The following MPZL1 variants were observed in gnomAD, a reference collection of about 807,000 sequenced individuals.
MPZL1 encodes myelin protein zero-like protein 1.
In MPZL1, 16 loss-of-function variants were observed where a neutral mutation model predicts 29.3. The ratio of observed to expected loss-of-function variants is 0.55; its 90% CI spans 0.37 to 0.83. The LOEUF is 0.83. MPZL1 is among the 40% of genes least tolerant of loss of function. MPZL1 has a pLI of 0.00. For missense variants in MPZL1, 279 were observed against 332.9 expected, an observed-to-expected ratio of 0.84 and a Z score of 1.26; for synonymous variants, 143 against 132.0, an observed-to-expected ratio of 1.08 and a Z score of -0.57.
At chr1:167,744,271 G>C (rs1298029548) in intron 1 of MPZL1, among the ~76,000 whole-genome samples, 2 of 152,152 alleles carry the variant, frequency 1.3e-5, no homozygotes, top group East Asian at 3.9e-4. Flanking sequence ...AGACCACATA[G>C]TCACACCGGA....
At chr1:167,768,659 T>C (rs1661171813) in intron 2 of MPZL1, among the ~76,000 whole-genome samples, 1 of 152,232 alleles carries the variant, frequency 6.6e-6, no homozygotes, top group Admixed American at 6.5e-5. Flanking sequence ...AAGACGTTAT[T>C]CCTCAGTTTG....
rs919016728 is a variant in MPZL1, at chr1:167,781,144, T to A, written c.708+4978T>A. Reference sequence around the variant, plus strand: ...AGAATTGAAAGGAGAAATTGACATATTCACAATCATAGTTGGAGGTTTCAA... The same window carrying A: ...AGAATTGAAAGGAGAAATTGACATAATCACAATCATAGTTGGAGGTTTCAA... On this transcript the variant is annotated intron_variant, in intron 5 of 5. Transcript: ENST00000359523. Among the ~76,000 whole-genome samples the A allele has an allele frequency of 8.1e-4, 123 of 152,248 alleles. No individual in the cohort carries two copies. In the Middle Eastern group the frequency reaches 0.02, roughly 25 times the overall value.
At chr1:167,737,053 C>G (rs553012138) in intron 1 of MPZL1, among the ~76,000 whole-genome samples, 3 of 152,298 alleles carry the variant, frequency 2.0e-5, no homozygotes, top group African/African-American at 7.2e-5. Flanking sequence ...ATTTAGCTTT[C>G]TCATCTCAGA....
intron 1 of MPZL1, among the ~76,000 whole-genome samples, chr1:167,763,960 G>A (rs1338325999): frequency 6.6e-6 from 1 of 152,200 alleles, no homozygotes; most frequent in Non-Finnish European, 1.5e-5. Flanking sequence ...TGGTTGGGAG[G>A]AATGGGGGAG....
At chr1:167,722,484 G>A (rs1660054220) in intron 1 of MPZL1, among the ~76,000 whole-genome samples, 1 of 152,194 alleles carries the variant, frequency 6.6e-6, no homozygotes, top group South Asian at 2.1e-4. Flanking sequence ...GGAGGAGGAG[G>A]GGAGAGTGCT....
rs1660342986 is a variant in MPZL1, at chr1:167,734,746, G to T, written c.91+12504G>T. ...ATCAGCAGTGTCTTGCAATGCAGCT[G>T]CCTCAGGGGAGGCCATTAAAGTTTC... is the stretch of plus-strand genomic sequence containing the variant. On this transcript the variant is annotated intron_variant, in intron 1 of 5. Coordinates refer to ENST00000359523, the MANE Select transcript of MPZL1 (RefSeq NM_003953.6). 3.9e-5 allele frequency among the ~76,000 whole-genome samples: 6 copies of T among 152,308 alleles called. No individual in the cohort carries two copies. The South Asian group carries it at 1.2e-3, about 32-fold the overall frequency.
At chr1:167,766,392 G>C (rs1661115110) in intron 2 of MPZL1, among the ~76,000 whole-genome samples, 1 of 152,156 alleles carries the variant, frequency 6.6e-6, no homozygotes, top group African/African-American at 2.4e-5. Context: ...CTTGGTTCTG[G>C]TCTGTAAAAT....
intron 1 of MPZL1, among the ~76,000 whole-genome samples, chr1:167,746,748 A>T (rs1660654977): frequency 1.3e-5 from 2 of 152,172 alleles, no homozygotes; most frequent in Non-Finnish European, 2.9e-5. Flanking sequence ...GGAGTGGAAC[A>T]TGTGTTTCTA....
In MPZL1 at chr1:167,722,237, G is replaced by T; in HGVS notation, c.86G>T (p.Gly29Val). The T allele has an allele frequency of 1.6e-6, 2 of 1,239,190 alleles. No individual in the cohort carries two copies. Among genetic ancestry groups the T allele is most frequent in the Non-Finnish European group, 2.0e-6 (2 of 987,874 alleles). 76.8% of individuals were successfully genotyped at this position (1,239,190 alleles called of 1,614,324 possible). Residue 29 changes from glycine to valine, a missense_variant, in exon 1 of 6, where the codon GGG becomes GTG. Coordinates refer to ENST00000359523, the MANE Select transcript of MPZL1 (RefSeq NM_003953.6). ...WLWSVLAAAL[G>V]LLTAGVSALE... is the part of the protein sequence containing the mutation. ...TGGTCGGTGCTGGCGGCGGCGCTTG[G>T]GCTCTGTAAGTGATGCCAGGACCAG...
intron 3 of MPZL1, among the ~76,000 whole-genome samples, chr1:167,772,769 A>G (rs749530684): frequency 7.9e-5 from 12 of 152,216 alleles, no homozygotes; most frequent in Non-Finnish European, 1.6e-4. Context: ...GTTAATTAGA[A>G]GAAAGACCAA....
intron 1 of MPZL1, among the ~76,000 whole-genome samples, chr1:167,754,110 C>T (rs1047807915): frequency 2.0e-5 from 3 of 151,932 alleles, no homozygotes; most frequent in African/African-American, 4.8e-5. Context: ...CAATCCTCCC[C>T]GCTCAGCCTC....
At chr1:167,756,739 A>C (rs1276433433) in intron 1 of MPZL1, among the ~76,000 whole-genome samples, 1 of 152,086 alleles carries the variant, frequency 6.6e-6, no homozygotes, top group Non-Finnish European at 1.5e-5. Flanking sequence ...TTTTCCTGAC[A>C]TTCAAACAAA....
chr1:167,758,151 T>C (rs908985432), intron 1 of MPZL1, among the ~76,000 whole-genome samples: 1 of 148,238 alleles, frequency 6.7e-6, no homozygotes, highest in Admixed American at 6.7e-5. Context: ...AAGATTCTTG[T>C]CTCAAAAAAA....
chr1:167,766,705 C>T (rs1282911698), intron 2 of MPZL1, among the ~76,000 whole-genome samples: 1 of 152,130 alleles, frequency 6.6e-6, no homozygotes, highest in Non-Finnish European at 1.5e-5. Flanking sequence ...CATCATATGC[C>T]TATGCCATTT....
At chr1:167,722,399 T>G (rs926251408) in intron 1 of MPZL1, among the ~76,000 whole-genome samples, 157 bp downstream of exon 1, 1 of 152,136 alleles carries the variant, frequency 6.6e-6, no homozygotes, top group African/African-American at 2.4e-5. Flanking sequence ...ACCCAGCCCA[T>G]GGGGAACGCG....
chr1:167,763,377 G>C (rs536768116), intron 1 of MPZL1, among the ~76,000 whole-genome samples: 26 of 152,010 alleles, frequency 1.7e-4, no homozygotes, highest in African/African-American at 5.3e-4. Flanking sequence ...TTAGCTGGGC[G>C]TCGTGGTGGG....
chr1:167,750,169 T>TTTTTC (rs1018668128), intron 1 of MPZL1, among the ~76,000 whole-genome samples: 1 of 152,004 alleles, frequency 6.6e-6, no homozygotes, highest in African/African-American at 2.4e-5. Context: ...TTCACCCAGG[T>TTTTTC]TTTTCTTTTC....
At chr1:167,776,495 A>G (rs1021168234) in intron 5 of MPZL1, among the ~76,000 whole-genome samples, 14 of 152,214 alleles carry the variant, frequency 9.2e-5, no homozygotes, top group Non-Finnish European at 1.8e-4. Flanking sequence ...AAGGAAATGA[A>G]TCTAATGAAG....
intron 1 of MPZL1, among the ~76,000 whole-genome samples, chr1:167,726,188 C>T (rs1468543539): frequency 6.6e-6 from 1 of 152,152 alleles, no homozygotes; most frequent in Admixed American, 6.5e-5. Flanking sequence ...ATTCCCACCT[C>T]CTAGCCTTTG....
Sources: gnomAD v4.1 joint callset for allele counts (sites outside exome capture counted in the v4.1 genomes callset) on GRCh38, gnomAD v4.1.1 for gene constraint, MANE v1.5 for transcripts, NCBI Gene and HGNC (gene_info 2026-07-23, HGNC 2026-07-21) for gene names.